Variants in CLASP2 observed in about 807,000 individuals in gnomAD.
CLASP2 encodes CLIP-associating protein 2.
In CLASP2, 47 loss-of-function variants were observed where a neutral mutation model predicts 194.4. That is an observed-to-expected ratio of 0.24 (90% confidence interval 0.19 to 0.31). The LOEUF (loss-of-function observed/expected upper bound fraction) is 0.31, where lower values mean the gene tolerates loss of function less well. Among genes scored for constraint, CLASP2 ranks in the 10% least tolerant of loss-of-function variants. CLASP2 has a pLI of 1.00. For synonymous variants in CLASP2, 619 were observed against 633.5 expected (o/e 0.98, Z 0.34); for missense variants, 1,445 against 1,823.6 (o/e 0.79, Z 3.78).
intron 6 of CLASP2, among the ~76,000 whole-genome samples, chr3:33,673,883 G>C (rs371926259): frequency 6.2e-4 from 95 of 152,164 alleles, no homozygotes; most frequent in Non-Finnish European, 1.0e-3. Flanking sequence ...AATTCAACAA[G>C]AAGAGCTAAC....
chr3:33,702,506 A>G (rs1228002329), intron 1 of CLASP2, among the ~76,000 whole-genome samples: 2 of 152,202 alleles, frequency 1.3e-5, no homozygotes, highest in South Asian at 2.1e-4. Context: ...CTCTATAGTT[A>G]TTAGAAGAAA....
At chr3:33,667,363 C>A (rs529766893) in intron 6 of CLASP2, among the ~76,000 whole-genome samples, 50 of 132,554 alleles carry the variant, frequency 3.8e-4, no homozygotes, top group Admixed American at 7.8e-4. Flanking sequence ...GAGCCGAGAT[C>A]GTGTCACTGC....
intron 18 of CLASP2, among the ~76,000 whole-genome samples, chr3:33,597,421 C>T (rs1337802535): frequency 6.6e-6 from 1 of 152,154 alleles, no homozygotes; most frequent in Non-Finnish European, 1.5e-5. Context: ...GGGCTGGCCT[C>T]TGGTAATCGT....
At chr3:33,637,031 C>T (rs951869212) in intron 8 of CLASP2, among the ~76,000 whole-genome samples, 1 of 152,108 alleles carries the variant, frequency 6.6e-6, no homozygotes, top group Non-Finnish European at 1.5e-5. Flanking sequence ...ACTGAGAAAA[C>T]TTAAATACGT....
At chr3:33,577,054 G>T in intron 23 of CLASP2, 1 of 541,698 alleles carries the variant, frequency 1.8e-6, no homozygotes, top group Non-Finnish European at 2.7e-6. Flanking sequence ...TTACTTGGGA[G>T]AAAAGAAAAA....
chr3:33,571,033 T>TTTTTTTTTTTTTTTTTTTTTTTTAG, intron 25 of CLASP2, among the ~76,000 whole-genome samples: 1 of 147,574 alleles, frequency 6.8e-6, no homozygotes, highest in Non-Finnish European at 1.5e-5. Context: ...TTTTTTTTTT[T>TTTTTTTTTTTTTTTTTTTTTTTTAG]GAGACGGAGT....
At chr3:33,703,674 C>T (rs1203368441) in intron 1 of CLASP2, among the ~76,000 whole-genome samples, 2 of 152,184 alleles carry the variant, frequency 1.3e-5, no homozygotes, top group African/African-American at 4.8e-5. Flanking sequence ...TTTGCAGAGG[C>T]AGGGTTTCAC....
intron 18 of CLASP2, chr3:33,602,411 C>A (rs1248851293): frequency 7.5e-6 from 5 of 667,644 alleles, no homozygotes; most frequent in Non-Finnish European, 1.1e-5. Flanking sequence ...CAGTACTACC[C>A]AAAAGAAAAA....
chr3:33,542,738 T>A (rs1274006868), intron 32 of CLASP2, among the ~76,000 whole-genome samples: 1 of 151,778 alleles, frequency 6.6e-6, no homozygotes, highest in Non-Finnish European at 1.5e-5. Context: ...ATATGTTTTG[T>A]TTGCAAGCTT....
In CLASP2 at chr3:33,497,167, A is replaced by G. The variant is rs878934434; in HGVS notation, c.*1464T>C. On this transcript the variant is annotated 3_prime_UTR_variant, in exon 39 of 39. Coordinates refer to ENST00000682230, the MANE Select transcript of CLASP2 (RefSeq NM_001365631.1). ...AGAACAGAAAGAAAGGGGAAAGCCT[A>G]TGACAAATCATCCATTCAGTACTCT... 2 of 152,600 alleles carry G rather than the reference A, an allele frequency of 1.3e-5. No homozygotes were observed. The highest frequency in any genetic ancestry group is 4.1e-4 in the South Asian group (2 of 4,824). The allele number at this position is 152,600 out of a possible 1,614,324, so 9.5% of individuals were successfully genotyped here.
intron 6 of CLASP2, among the ~76,000 whole-genome samples, chr3:33,670,991 A>G (rs1048190527): frequency 6.6e-6 from 1 of 152,156 alleles, no homozygotes; most frequent in African/African-American, 2.4e-5. Context: ...GTTTTATCAG[A>G]GCCTAAATGA....
chr3:33,527,526 T>C (rs926579462), intron 34 of CLASP2, among the ~76,000 whole-genome samples: 1 of 152,186 alleles, frequency 6.6e-6, no homozygotes, highest in Non-Finnish European at 1.5e-5. Context: ...CACAGCTGAA[T>C]TCTACCAGAT....
intron 37 of CLASP2, among the ~76,000 whole-genome samples, chr3:33,506,327 G>A (rs890068042): frequency 7.8e-5 from 10 of 128,048 alleles, no homozygotes; most frequent in East Asian, 2.6e-4. Context: ...TCAGTGAGCC[G>A]AGATTGTGCC....
chr3:33,536,355 G>C (rs2057334411), intron 33 of CLASP2, among the ~76,000 whole-genome samples: 1 of 152,116 alleles, frequency 6.6e-6, no homozygotes, highest in Non-Finnish European at 1.5e-5. Context: ...AGATTAAATA[G>C]GATGAGTAGG....
At chr3:33,619,800 T>A in intron 11 of CLASP2, 62 bp from the exon 12 acceptor site, 2 of 1,312,008 alleles carry the variant, frequency 1.5e-6, no homozygotes, top group Non-Finnish European at 2.0e-6. Context: ...TAGAACCATA[T>A]AATTTTAAAA....
At chr3:33,521,078 C>T (rs891678409) in intron 34 of CLASP2, among the ~76,000 whole-genome samples, 2 of 152,072 alleles carry the variant, frequency 1.3e-5, no homozygotes, top group South Asian at 2.1e-4. Flanking sequence ...CAACAAAAGC[C>T]GGCTTGAATG....
chr3:33,498,904 GA>G (rs1249037203), intron 38 of CLASP2, among the ~76,000 whole-genome samples, 187 bp from the exon 39 acceptor site: 1 of 151,476 alleles, frequency 6.6e-6, no homozygotes, highest in South Asian at 2.1e-4. Context: ...TAGCACATCT[GA>G]AAAAAATATA....
At chr3:33,676,004 C>A (rs908240535) in intron 6 of CLASP2, among the ~76,000 whole-genome samples, 1 of 151,304 alleles carries the variant, frequency 6.6e-6, no homozygotes, top group Non-Finnish European at 1.5e-5. Context: ...AATGGCCATA[C>A]TGCCCAAGGT....
At chr3:33,706,895 G>A (rs1398846399) in intron 1 of CLASP2, among the ~76,000 whole-genome samples, 1 of 152,134 alleles carries the variant, frequency 6.6e-6, no homozygotes, top group African/African-American at 2.4e-5. Flanking sequence ...AGCCCAGGAG[G>A]TTGAGGCTGC....
Sources: allele counts gnomAD v4.1 joint callset (sites outside exome capture counted in the v4.1 genomes callset), GRCh38; gene constraint gnomAD v4.1.1; transcripts MANE v1.5; gene names NCBI Gene and HGNC (gene_info 2026-07-23, HGNC 2026-07-21).